LRRC7: variants seen among roughly 807,000 people sequenced by gnomAD.
The protein encoded by LRRC7 is leucine rich repeat containing 7.
In LRRC7, 23 loss-of-function variants were observed where a neutral mutation model predicts 175.7. The ratio of observed to expected loss-of-function variants is 0.13; its 90% CI spans 0.09 to 0.19. The LOEUF (loss-of-function observed/expected upper bound fraction) is 0.19, where lower values mean the gene tolerates loss of function less well. Among genes scored for constraint, LRRC7 ranks in the 10% least tolerant of loss-of-function variants. The pLI is 1.00. For synonymous variants in LRRC7, 685 were observed against 680.9 expected, an observed-to-expected ratio of 1.01 and a Z score of -0.09; for missense variants, 1,354 against 1,904.7, an observed-to-expected ratio of 0.71 and a Z score of 5.38.
intron 7 of LRRC7, among the ~76,000 whole-genome samples, chr1:69,867,215 G>A (rs557653543): frequency 3.0e-4 from 45 of 152,188 alleles, no homozygotes; most frequent in Non-Finnish European, 6.2e-4. Flanking sequence ...TAGGTATTTA[G>A]ACATGTTATA....
At chr1:69,776,177 G>A (rs987229252) in intron 3 of LRRC7, among the ~76,000 whole-genome samples, 10 of 152,050 alleles carry the variant, frequency 6.6e-5, no homozygotes, top group Non-Finnish European at 1.5e-4. Flanking sequence ...TTGAAAGATT[G>A]TCTTACTCCT....
intron 2 of LRRC7, among the ~76,000 whole-genome samples, chr1:69,731,037 C>T (rs2100817115): frequency 6.6e-6 from 1 of 152,182 alleles, no homozygotes; most frequent in Middle Eastern, 3.4e-3. Flanking sequence ...TGCAGTGGCT[C>T]ACACCTGTAA....
chr1:69,904,638 T>C (rs1270732686), intron 7 of LRRC7, among the ~76,000 whole-genome samples: 1 of 152,216 alleles, frequency 6.6e-6, no homozygotes, highest in Admixed American at 6.5e-5. Flanking sequence ...CTTATTTAAA[T>C]GCACTTTCTC....
At chr1:70,111,271 G>A (rs141262052) in intron 26 of LRRC7, among the ~76,000 whole-genome samples, 214 of 152,224 alleles carry the variant, frequency 1.4e-3, no homozygotes, top group Admixed American at 2.5e-3. Context: ...TTATGAGCAT[G>A]TTATTTGAAT....
chr1:70,007,566 T>C (rs1656098137), intron 11 of LRRC7, among the ~76,000 whole-genome samples: 1 of 152,164 alleles, frequency 6.6e-6, no homozygotes, highest in African/African-American at 2.4e-5. Flanking sequence ...ACACTGAGAA[T>C]TAAGGCTTAT....
At chr1:69,842,919 C>G (rs1387873045) in intron 7 of LRRC7, among the ~76,000 whole-genome samples, 1 of 152,064 alleles carries the variant, frequency 6.6e-6, no homozygotes, top group Non-Finnish European at 1.5e-5. Flanking sequence ...CTAGTATTGG[C>G]CAGGAGCAGT....
intron 7 of LRRC7, among the ~76,000 whole-genome samples, chr1:69,913,674 G>C (rs985562883): frequency 2.0e-5 from 3 of 151,992 alleles, no homozygotes; most frequent in Admixed American, 1.3e-4. Flanking sequence ...ACCACGCCTG[G>C]CTAATTTTTT....
chr1:70,089,810 T>C lies in LRRC7; in HGVS notation c.4536T>C (p.Pro1512=), dbSNP rs1663887298. ...GISGQGNPFK[P]SDKGIFVTRV... is the part of the protein sequence containing the mutation. Reference sequence around the variant, plus strand: ...GTGGACAAGGAAATCCATTCAAACCTTCTGACAAGGTAAGAAATGAATATC... The same window carrying C: ...GTGGACAAGGAAATCCATTCAAACCCTCTGACAAGGTAAGAAATGAATATC... Residue 1512 remains proline, a synonymous_variant, in exon 25 of 27, where the codon CCT becomes CCC. Coordinates refer to ENST00000651989, the MANE Select transcript of LRRC7 (RefSeq NM_001370785.2). 6.3e-7 allele frequency: 1 copy of C among 1,596,478 alleles called. No homozygotes were observed. Among genetic ancestry groups the C allele is most frequent in the African/African-American group, 1.3e-5 (1 of 74,470 alleles).
At chr1:69,825,938 G>A (rs886950232) in intron 5 of LRRC7, 112 bp downstream of exon 5, 5 of 546,248 alleles carry the variant, frequency 9.2e-6, no homozygotes, top group Middle Eastern at 4.7e-4. Flanking sequence ...CATTGACATA[G>A]CATTTAATAG....
At chr1:69,986,793 G>C (rs1304963623) in intron 10 of LRRC7, among the ~76,000 whole-genome samples, 9 of 152,134 alleles carry the variant, frequency 5.9e-5, no homozygotes, top group Admixed American at 5.9e-4. Context: ...TGTAACATTG[G>C]TATAATGTAG....
rs117565703 is a variant in LRRC7 at position 69,791,285 on chromosome 1, G to A, written c.304-758G>A. ...CCTGTATCAAAGTTTCCAGATCACCGGTGTGCTTGTTAAAAATGCAGATTT... is the reference window on the plus strand; with the variant it reads ...CCTGTATCAAAGTTTCCAGATCACCAGTGTGCTTGTTAAAAATGCAGATTT... On this transcript the variant is annotated intron_variant, in intron 3 of 26. Coordinates refer to ENST00000651989, the MANE Select transcript of LRRC7 (RefSeq NM_001370785.2). Among the ~76,000 whole-genome samples the A allele has an allele frequency of 8.5e-4, 130 of 152,052 alleles. 3 individuals carry two copies. The East Asian group carries it at 0.023, about 27-fold the overall frequency.
chr1:69,833,577 T>C (rs534298740), intron 5 of LRRC7, among the ~76,000 whole-genome samples: 1 of 152,148 alleles, frequency 6.6e-6, no homozygotes, highest in East Asian at 1.9e-4. Flanking sequence ...TATATATACA[T>C]ACAAGAAAGT....
At chr1:69,892,366 T>C (rs981223823) in intron 7 of LRRC7, among the ~76,000 whole-genome samples, 1 of 152,184 alleles carries the variant, frequency 6.6e-6, no homozygotes, top group Admixed American at 6.5e-5. Context: ...AGATTACCTA[T>C]GTGAGTAGCA....
rs114255865 is a variant in LRRC7 at position 69,813,922 on chromosome 1, C to T, written c.422-11826C>T. Among the ~76,000 whole-genome samples, 1,437 of 152,096 alleles carry T rather than the reference C, an allele frequency of 9.4e-3. 28 individuals carry two copies. Among genetic ancestry groups the T allele is most frequent in the African/African-American group, 0.033 (1,363 of 41,510 alleles). ...AATAAGATATATTGCTCAAGTAAGG[C>T]CATTTATTCCATGTCTGAATGAATA... On this transcript the variant is annotated intron_variant, in intron 4 of 26. Coordinates refer to ENST00000651989, the MANE Select transcript of LRRC7 (RefSeq NM_001370785.2).
intron 7 of LRRC7, among the ~76,000 whole-genome samples, chr1:69,923,208 G>A (rs6697847): frequency 0.015 from 2,231 of 151,996 alleles, 28 homozygotes; most frequent in Middle Eastern, 0.031. Context: ...TTCTTAATCC[G>A]GTCTATCATT....
rs371838885 is a variant in LRRC7, at chr1:69,760,232, C to T, written c.142C>T (p.Arg48Cys). The T allele has an allele frequency of 5.0e-6, 8 of 1,612,586 alleles. No individual in the cohort carries two copies. The African/African-American group carries it at 8.0e-5, about 16-fold the overall frequency. ...GACCACCAAACGGAAAATCATCGGC[C>T]GTCTGGTGCCATGCCGATGTTTCCG... Reference protein sequence around the residue: ...EMTTKRKIIGRLVPCRCFRGE... With the variant: ...EMTTKRKIIGCLVPCRCFRGE... Residue 48 changes from arginine to cysteine, a missense_variant, in exon 3 of 27, where the codon CGT becomes TGT. This residue lies in a region of LRRC7 where 68 missense variants were observed against 83.4 expected (regional missense o/e 0.82). Transcript: ENST00000651989.
At chr1:69,788,206 A>G (rs765082172) in intron 3 of LRRC7, among the ~76,000 whole-genome samples, 5 of 152,136 alleles carry the variant, frequency 3.3e-5, no homozygotes, top group Non-Finnish European at 7.3e-5. Context: ...TTAACCCATC[A>G]AGGACCAACA....
chr1:69,891,110 A>T (rs756728459), intron 7 of LRRC7, among the ~76,000 whole-genome samples: 3 of 152,238 alleles, frequency 2.0e-5, no homozygotes, highest in Non-Finnish European at 4.4e-5. Context: ...AACTTGGCTA[A>T]CTGTTTGGCA....
chr1:69,877,587 C>A (rs1330060660), intron 7 of LRRC7, among the ~76,000 whole-genome samples: 1 of 152,100 alleles, frequency 6.6e-6, no homozygotes, highest in African/African-American at 2.4e-5. Context: ...GTGCAATTAT[C>A]ACCACAATTT....
Sources: gnomAD v4.1 joint callset for allele counts (sites outside exome capture counted in the v4.1 genomes callset) on GRCh38, gnomAD v4.1.1 for gene constraint, gnomAD v4.1.1 regional missense constraint, MANE v1.5 for transcripts, NCBI Gene and HGNC (gene_info 2026-07-23, HGNC 2026-07-21) for gene names.